Variants in TRHDE observed in about 807,000 individuals in gnomAD.
TRHDE encodes thyrotropin-releasing hormone-degrading ectoenzyme.
A neutral mutation model predicts 125.7 loss-of-function variants in TRHDE; 72 were observed. The observed-to-expected ratio is 0.57, with a 90% CI of 0.47 to 0.70. The LOEUF (loss-of-function observed/expected upper bound fraction) is 0.70. TRHDE is among the 30% of genes least tolerant of loss of function. TRHDE has a pLI of 0.00. For missense variants in TRHDE, 1,110 were observed against 1,327.1 expected (o/e 0.84, Z 2.54); for synonymous variants, 509 against 509.1 (o/e 1.00, Z 0.00).
chr12:72,262,146 G>A (rs746612078), intron 2 of TRHDE, among the ~76,000 whole-genome samples: 13 of 152,118 alleles, frequency 8.5e-5, no homozygotes, highest in Non-Finnish European at 1.8e-4. Context: ...ACTACAATTC[G>A]TTCTCTTGTT....
At chr12:72,293,579 A>T (rs1001107808) in intron 2 of TRHDE, among the ~76,000 whole-genome samples, 1 of 152,182 alleles carries the variant, frequency 6.6e-6, no homozygotes, top group Non-Finnish European at 1.5e-5. Flanking sequence ...AGTTTTGCAT[A>T]CTAATGTGAA....
At chr12:72,557,959 TCACACACA>T (rs111497878) in intron 7 of TRHDE, among the ~76,000 whole-genome samples, 1 of 148,716 alleles carries the variant, frequency 6.7e-6, no homozygotes, top group African/African-American at 2.5e-5. Flanking sequence ...GAAAGACAAA[TCACACACA>T]CACACACACA....
chr12:72,331,899 T>C (rs1869615989), intron 2 of TRHDE, among the ~76,000 whole-genome samples: 2 of 152,220 alleles, frequency 1.3e-5, no homozygotes, highest in African/African-American at 4.8e-5. Context: ...TCTATATTCT[T>C]TACTTCTTGT....
intron 2 of TRHDE, among the ~76,000 whole-genome samples, chr12:72,322,711 A>G (rs1330763008): frequency 6.6e-6 from 1 of 152,148 alleles, no homozygotes; most frequent in East Asian, 1.9e-4. Flanking sequence ...GAGATGATTG[A>G]TTGATTTTCA....
intron 2 of TRHDE, among the ~76,000 whole-genome samples, chr12:72,312,621 G>A (rs578099193): frequency 6.6e-6 from 1 of 152,236 alleles, no homozygotes; most frequent in South Asian, 2.1e-4. Flanking sequence ...ACTTCACTCA[G>A]AGAATATGAA....
chr12:72,383,370 ATT>A (rs552559387), intron 3 of TRHDE, among the ~76,000 whole-genome samples: 187 of 100,934 alleles, frequency 1.9e-3, no homozygotes, highest in Middle Eastern at 8.8e-3. Context: ...AACCCATTTA[ATT>A]TTTTTTTTTT....
chr12:72,462,506 C>T (rs1312455237), intron 3 of TRHDE, among the ~76,000 whole-genome samples: 1 of 152,080 alleles, frequency 6.6e-6, no homozygotes, highest in Non-Finnish European at 1.5e-5. Context: ...TGATTGCAGG[C>T]AAAACTAGTT....
intron 2 of TRHDE, among the ~76,000 whole-genome samples, chr12:72,367,941 A>G (rs552235801): frequency 3.3e-5 from 5 of 152,338 alleles, no homozygotes; most frequent in Admixed American, 1.3e-4. Context: ...TATTTAACTT[A>G]AAGTACCAAA....
chr12:72,409,682 T>A (rs1276739090), intron 3 of TRHDE, among the ~76,000 whole-genome samples: 2 of 152,186 alleles, frequency 1.3e-5, no homozygotes, highest in East Asian at 3.8e-4. Flanking sequence ...TGGATTTACC[T>A]GTGATTGCAG....
intron 5 of TRHDE, among the ~76,000 whole-genome samples, chr12:72,496,447 A>G (rs1230106673): frequency 6.6e-6 from 1 of 152,210 alleles, no homozygotes; most frequent in Non-Finnish European, 1.5e-5. Flanking sequence ...GAGCCTGTGC[A>G]GGGGAATTTC....
intron 6 of TRHDE, among the ~76,000 whole-genome samples, chr12:72,511,967 G>T (rs1878598945): frequency 6.6e-6 from 1 of 152,122 alleles, no homozygotes; most frequent in Non-Finnish European, 1.5e-5. Flanking sequence ...CCCTCTTTGT[G>T]TCACATTGTA....
chr12:72,215,520 T>A (rs1877870810), intron 2 of TRHDE, among the ~76,000 whole-genome samples: 1 of 152,186 alleles, frequency 6.6e-6, no homozygotes. Context: ...CAGCTTAGGT[T>A]CTTAATTCAT....
intron 2 of TRHDE, among the ~76,000 whole-genome samples, chr12:72,324,032 C>T (rs1869225094): frequency 6.6e-6 from 1 of 152,006 alleles, no homozygotes; most frequent in East Asian, 1.9e-4. Flanking sequence ...TTCCTGATGC[C>T]AGTTTGTTCA....
intron 2 of TRHDE, among the ~76,000 whole-genome samples, chr12:72,202,079 A>G (rs1206004973): frequency 1.3e-5 from 2 of 152,164 alleles, no homozygotes; most frequent in Non-Finnish European, 2.9e-5. Flanking sequence ...CCTATATGGG[A>G]AGCCAGTTAA....
chr12:72,277,972 G>A (rs1487449008), intron 1 of TRHDE, among the ~76,000 whole-genome samples: 1 of 152,152 alleles, frequency 6.6e-6, no homozygotes, highest in South Asian at 2.1e-4. Context: ...ACTCTCAGCA[G>A]TTTTCAAGAA....
At chr12:72,560,843 A>G (rs1418393556) in intron 7 of TRHDE, 1 of 152,212 alleles carries the variant, frequency 6.6e-6, no homozygotes, top group Non-Finnish European at 1.5e-5. Context: ...AAATTAAAAA[A>G]TAAAATAAAA....
intron 15 of TRHDE, 77 bp downstream of exon 15, chr12:72,621,828 C>G: frequency 9.1e-7 from 1 of 1,095,044 alleles, no homozygotes; most frequent in Non-Finnish European, 1.3e-6. Flanking sequence ...ATTTCATTTA[C>G]CAACTGGAGA....
At position 72,101,369 on chromosome 12, in the gene TRHDE, C is replaced by T. The variant is rs111404114; in HGVS notation, n.175-4279C>T. ...AGCATGAAAGGAATGAAGCAGTAGA[C>T]ACAGAGTGAGTGGCTGCTTTGAGTC... On this transcript the variant is annotated intron_variant and non_coding_transcript_variant, in intron 1 of 4. Coordinates refer to the TRHDE transcript ENST00000548156. 7.6e-3 allele frequency among the ~76,000 whole-genome samples: 1,155 copies of T among 152,280 alleles called. 19 individuals carry two copies. Among genetic ancestry groups the T allele is most frequent in the African/African-American group, 0.027 (1,114 of 41,548 alleles).
At position 72,197,628 on chromosome 12, in the gene TRHDE, C is replaced by T. The variant is rs117366349; in HGVS notation, n.279+91876C>T. 3.9e-5 allele frequency among the ~76,000 whole-genome samples: 6 copies of T among 152,066 alleles called. No homozygotes were observed. In the East Asian group the frequency reaches 1.2e-3, roughly 29 times the overall value. ...TTCTGGGTGATCTACTCATTCCTTCCTCTCTAACTTCTTGTGTTCCTCTCT... is the reference window on the plus strand; with the variant it reads ...TTCTGGGTGATCTACTCATTCCTTCTTCTCTAACTTCTTGTGTTCCTCTCT... On this transcript the variant is annotated intron_variant and non_coding_transcript_variant, in intron 2 of 4. Coordinates refer to the TRHDE transcript ENST00000548156.
Sources: gnomAD v4.1 joint callset for allele counts (sites outside exome capture counted in the v4.1 genomes callset) on GRCh38, gnomAD v4.1.1 for gene constraint, MANE v1.5 for transcripts, NCBI Gene and HGNC (gene_info 2026-07-23, HGNC 2026-07-21) for gene names.